Variants in TTC28 observed in about 807,000 individuals in gnomAD.
TTC28 encodes tetratricopeptide repeat protein 28.
A neutral mutation model predicts 198.0 loss-of-function variants in TTC28; 61 were observed. The ratio of observed to expected loss-of-function variants is 0.31; its 90% confidence interval spans 0.25 to 0.38. The LOEUF (loss-of-function observed/expected upper bound fraction) is 0.38, where lower values mean the gene tolerates loss of function less well. Among genes scored for constraint, TTC28 ranks in the 10% least tolerant of loss-of-function variants. TTC28 has a pLI of 1.00. For synonymous variants in TTC28, 1,171 were observed against 1,297.8 expected (o/e 0.90, Z 2.10); for missense variants, 2,678 against 3,164.0 (o/e 0.85, Z 3.69).
chr22:28,251,916 A>G (rs1205165799), intron 5 of TTC28, among the ~76,000 whole-genome samples: 2 of 152,208 alleles, frequency 1.3e-5, no homozygotes, highest in Non-Finnish European at 2.9e-5. Flanking sequence ...TAATCAACTG[A>G]TTATTAGCCA....
intron 2 of TTC28, among the ~76,000 whole-genome samples, chr22:28,626,767 T>C (rs1190554973): frequency 1.3e-5 from 2 of 152,044 alleles, no homozygotes; most frequent in Non-Finnish European, 2.9e-5. Flanking sequence ...TAAAGCCAAA[T>C]ATAGAACTAA....
intron 12 of TTC28, among the ~76,000 whole-genome samples, chr22:28,081,352 A>G (rs1228116918): frequency 6.6e-6 from 1 of 151,862 alleles, no homozygotes; most frequent in Non-Finnish European, 1.5e-5. Context: ...AGCTAATTGT[A>G]ATAATATTTT....
At chr22:27,993,814 T>C (rs547297697) in intron 17 of TTC28, among the ~76,000 whole-genome samples, 1 of 152,268 alleles carries the variant, frequency 6.6e-6, no homozygotes, top group East Asian at 1.9e-4. Context: ...TAAAGCAATG[T>C]GTCTGAACAC....
At chr22:28,184,521 T>G (rs958791196) in intron 5 of TTC28, among the ~76,000 whole-genome samples, 3 of 152,128 alleles carry the variant, frequency 2.0e-5, no homozygotes, top group African/African-American at 7.2e-5. Flanking sequence ...ACATAATATG[T>G]TCACTGAAGA....
chr22:28,145,121 G>GA (rs1052977680), intron 6 of TTC28, among the ~76,000 whole-genome samples: 4 of 152,072 alleles, frequency 2.6e-5, no homozygotes, highest in African/African-American at 7.2e-5. Context: ...CCTTACAGGG[G>GA]AAAAAACAAA....
At chr22:28,018,514 G>A (rs990994847) in intron 13 of TTC28, among the ~76,000 whole-genome samples, 4 of 152,166 alleles carry the variant, frequency 2.6e-5, no homozygotes, top group African/African-American at 7.2e-5. Flanking sequence ...AGCAGCCTTC[G>A]CAGTCCTGCA....
intron 2 of TTC28, among the ~76,000 whole-genome samples, chr22:28,575,498 T>C (rs993225663): frequency 2.0e-5 from 3 of 152,322 alleles, no homozygotes; most frequent in Non-Finnish European, 2.9e-5. Context: ...TCTGGGTCTT[T>C]TGTGGTTCCA....
chr22:28,509,017 C>T (rs371145468), intron 2 of TTC28, among the ~76,000 whole-genome samples: 11 of 151,908 alleles, frequency 7.2e-5, no homozygotes, highest in South Asian at 4.2e-4. Context: ...ACAGCGAAAC[C>T]GCATCTCTAC....
chr22:28,425,947 A>T (rs2047342901), intron 2 of TTC28, among the ~76,000 whole-genome samples: 1 of 152,202 alleles, frequency 6.6e-6, no homozygotes, highest in Non-Finnish European at 1.5e-5. Context: ...ACGGTGGCTC[A>T]CGCCCGTAAC....
chr22:28,545,511 TG>T (rs918821226), intron 2 of TTC28, among the ~76,000 whole-genome samples: 21 of 152,132 alleles, frequency 1.4e-4, no homozygotes, highest in African/African-American at 4.8e-4. Flanking sequence ...CCTAGGAGTT[TG>T]GGGCTACAGT....
In TTC28 at chr22:28,424,450, A is replaced by C. The variant is rs572080871; in HGVS notation, c.382-117807T>G. On this transcript the variant is annotated intron_variant, in intron 2 of 22. Coordinates refer to ENST00000397906, the MANE Select transcript of TTC28 (RefSeq NM_001145418.2). ...ATACTTCTATTAGAATACTTGGAAC[A>C]TTGTATTATAATTAAATATTAATAT... is the stretch of plus-strand genomic sequence containing the variant. Among the ~76,000 whole-genome samples the C allele has an allele frequency of 7.6e-4, 115 of 152,302 alleles. 1 individual carries two copies. The highest frequency in any genetic ancestry group is 3.4e-3 in the Middle Eastern group (1 of 294).
At position 28,146,657 on chromosome 22, in the gene TTC28, G is replaced by A. The variant is rs545241130; in HGVS notation, c.1441+16435C>T. Among the ~76,000 whole-genome samples, 112 of 152,254 alleles carry A rather than the reference G, an allele frequency of 7.4e-4. 1 individual carries two copies. Among genetic ancestry groups the A allele is most frequent in the Non-Finnish European group, 1.2e-3 (81 of 68,028 alleles). ...TCCCTCTAGAGCACTCCAACAGCTG[G>A]GCCATGTTATAAGCTGTCTTTGTCT... is the stretch of plus-strand genomic sequence containing the variant. On this transcript the variant is annotated intron_variant, in intron 6 of 22. Transcript: ENST00000397906.
At chr22:28,145,320 G>C (rs1245758251) in intron 6 of TTC28, among the ~76,000 whole-genome samples, 1 of 152,020 alleles carries the variant, frequency 6.6e-6, no homozygotes. Flanking sequence ...AACTTGTTCA[G>C]GGTCATGCAA....
chr22:28,159,337 C>T (rs1035702984), intron 6 of TTC28, among the ~76,000 whole-genome samples: 1 of 151,950 alleles, frequency 6.6e-6, no homozygotes, highest in Non-Finnish European at 1.5e-5. Context: ...GAGAAGGGTT[C>T]GGAGGTTAAT....
In TTC28 at chr22:27,992,640, C is replaced by T; in HGVS notation, c.5500G>A (p.Ala1834Thr). 6.4e-7 allele frequency: 1 copy of T among 1,551,628 alleles called. No individual in the cohort carries two copies. The highest frequency in any genetic ancestry group is 8.7e-7 in the Non-Finnish European group (1 of 1,146,976). ...LLGLPNPALQ[A>T]LCKLITASET... ...GAGGCAGTGATGAGTTTGCAAAGGG[C>T]TTGGAGGGCAGGATTGGGCAGACCT... The change falls in exon 19 of 23, where the codon GCC becomes ACC. Residue 1834 changes from alanine (A) to threonine (T), a missense_variant. Physicochemically the swap from Ala to Thr is moderately conservative, Grantham distance 58. This residue lies in a region of TTC28 where 314 missense variants were observed against 442.7 expected (regional missense o/e 0.71). Coordinates refer to ENST00000397906, the MANE Select transcript of TTC28 (RefSeq NM_001145418.2).
chr22:28,610,334 G>A (rs2050799921), intron 2 of TTC28, among the ~76,000 whole-genome samples: 1 of 152,142 alleles, frequency 6.6e-6, no homozygotes, highest in Non-Finnish European at 1.5e-5. Context: ...CCTCATACAG[G>A]AAAGCTCTAG....
rs547287266 is a variant in TTC28, at chr22:28,595,829, C to A, written c.381+33723G>T. On this transcript the variant is annotated intron_variant, in intron 2 of 22. Transcript: ENST00000397906. ...GTCCCAGCTACTCGGGAGGCTGAGG[C>A]AGGAGAATCGCTTGAACCCGGGAGG... Among the ~76,000 whole-genome samples the A allele has an allele frequency of 6.0e-4, 92 of 152,138 alleles. 1 individual carries two copies. The highest frequency in any genetic ancestry group is 1.1e-3 in the Non-Finnish European group (75 of 68,026).
intron 12 of TTC28, among the ~76,000 whole-genome samples, chr22:28,092,870 G>A (rs934564178): frequency 1.3e-5 from 2 of 152,300 alleles, no homozygotes; most frequent in South Asian, 2.1e-4. Flanking sequence ...AGAGAAGCAC[G>A]TGTGCAAGTG....
intron 6 of TTC28, among the ~76,000 whole-genome samples, chr22:28,147,813 G>A (rs921462324): frequency 6.6e-6 from 1 of 152,150 alleles, no homozygotes; most frequent in East Asian, 1.9e-4. Flanking sequence ...TTATTATTGT[G>A]ACTTCTAAGC....
Sources: gnomAD v4.1 joint callset for allele counts (sites outside exome capture counted in the v4.1 genomes callset) on GRCh38, gnomAD v4.1.1 for gene constraint, gnomAD v4.1.1 regional missense constraint, MANE v1.5 for transcripts, NCBI Gene and HGNC (gene_info 2026-07-23, HGNC 2026-07-21) for gene names.